The following THSD7B variants were observed in gnomAD, a reference collection of about 807,000 sequenced individuals.
THSD7B encodes the protein thrombospondin type 1 domain containing 7B.
Under a neutral mutation model 213.6 loss-of-function variants are expected in THSD7B, and 138 were observed. The ratio of observed to expected loss-of-function variants is 0.65; its 90% confidence interval spans 0.56 to 0.74. The LOEUF is 0.74. Among genes scored for constraint, THSD7B ranks in the 30% least tolerant of loss-of-function variants. The probability of loss-of-function intolerance (pLI) is 0.00; values close to 1 mark genes in which losing one functional copy is unlikely to be tolerated. For synonymous variants in THSD7B, 742 were observed against 687.0 expected, an observed-to-expected ratio of 1.08 and a Z score of -1.25; for missense variants, 1,931 against 1,991.5, an observed-to-expected ratio of 0.97 and a Z score of 0.58.
At chr2:136,933,261 C>T (rs369084640) in intron 2 of THSD7B, among the ~76,000 whole-genome samples, 1 of 151,904 alleles carries the variant, frequency 6.6e-6, no homozygotes, top group African/African-American at 2.4e-5. Flanking sequence ...ATTATGATTA[C>T]TATCTAGTGG....
intron 15 of THSD7B, chr2:137,512,283 AT>A (rs1419268022): frequency 1.3e-5 from 2 of 149,502 alleles, no homozygotes; most frequent in Non-Finnish European, 3.0e-5. Context: ...TCAAAGTACA[AT>A]TTTTTTCATT....
intron 1 of THSD7B, among the ~76,000 whole-genome samples, chr2:136,772,455 G>T (rs1202394108): frequency 6.6e-6 from 1 of 152,156 alleles, no homozygotes; most frequent in Non-Finnish European, 1.5e-5. Flanking sequence ...TTATAAAAGT[G>T]TTGGCTTCCT....
chr2:137,194,732 C>T (rs1558953818), intron 7 of THSD7B, among the ~76,000 whole-genome samples: 1 of 151,990 alleles, frequency 6.6e-6, no homozygotes, highest in Non-Finnish European at 1.5e-5. Flanking sequence ...AATTATTATA[C>T]ATGTACCTGA....
At chr2:137,329,805 A>C (rs1684454204) in intron 12 of THSD7B, among the ~76,000 whole-genome samples, 1 of 152,246 alleles carries the variant, frequency 6.6e-6, no homozygotes, top group Admixed American at 6.5e-5. Flanking sequence ...AATTTGCATA[A>C]GTAATGAGGA....
At chr2:136,947,138 C>G (rs144395047) in intron 2 of THSD7B, among the ~76,000 whole-genome samples, 24 of 152,284 alleles carry the variant, frequency 1.6e-4, no homozygotes, top group African/African-American at 5.3e-4. Context: ...TCGACAAAAT[C>G]TTAATGTGAT....
intron 1 of THSD7B, among the ~76,000 whole-genome samples, chr2:136,789,369 A>G (rs1264516318): frequency 6.6e-6 from 1 of 152,066 alleles, no homozygotes; most frequent in Non-Finnish European, 1.5e-5. Context: ...TAATAAATAT[A>G]CATGTTTTCA....
At chr2:137,332,370 A>T (rs1282447778) in intron 12 of THSD7B, among the ~76,000 whole-genome samples, 1 of 152,064 alleles carries the variant, frequency 6.6e-6, no homozygotes, top group South Asian at 2.1e-4. Context: ...GTTTTGGCCA[A>T]TTTCTCCCAT....
At chr2:137,662,242 C>CTTTTTTTTTT (rs57630973) in intron 25 of THSD7B, among the ~76,000 whole-genome samples, 7 of 92,414 alleles carry the variant, frequency 7.6e-5, no homozygotes, top group Non-Finnish European at 8.7e-5. Flanking sequence ...TTTTTTTTTT[C>CTTTTTTTTTT]TTTTTTTTTT....
intron 12 of THSD7B, among the ~76,000 whole-genome samples, chr2:137,311,113 G>A (rs1228513821): frequency 4.0e-5 from 6 of 150,994 alleles, no homozygotes; most frequent in Admixed American, 6.6e-5. Context: ...CCATTTTCAC[G>A]ATATTGATTC....
At chr2:137,438,564 G>A (rs1202181993) in intron 14 of THSD7B, among the ~76,000 whole-genome samples, 1 of 152,032 alleles carries the variant, frequency 6.6e-6, no homozygotes. Flanking sequence ...CAACAAAACT[G>A]TATTTACAAA....
rs531534235 is a variant in THSD7B, at chr2:137,441,014, T to C, written c.2960-9831T>C. Among the ~76,000 whole-genome samples, 7 of 152,238 alleles carry C rather than the reference T, an allele frequency of 4.6e-5. No homozygotes were observed. In the South Asian group the frequency reaches 1.5e-3, roughly 32 times the overall value. ...AGCTGCTATTTAAAGAGCAGATTCA[T>C]TGGTCATTTTGAAGGTAGTTGTTTC... On this transcript the variant is annotated intron_variant, in intron 14 of 27. Transcript: ENST00000409968.
intron 2 of THSD7B, among the ~76,000 whole-genome samples, chr2:136,949,370 C>T (rs1684995644): frequency 6.6e-6 from 1 of 152,162 alleles, no homozygotes; most frequent in South Asian, 2.1e-4. Context: ...GCCCTCTCAG[C>T]CTGGTTCCCT....
intron 3 of THSD7B, among the ~76,000 whole-genome samples, chr2:137,078,902 G>A (rs1014784181): frequency 6.6e-6 from 1 of 152,004 alleles, no homozygotes; most frequent in African/African-American, 2.4e-5. Flanking sequence ...CAGATAGAAA[G>A]GCCATATTTT....
At chr2:136,962,037 T>C (rs192314579) in intron 2 of THSD7B, among the ~76,000 whole-genome samples, 4 of 152,322 alleles carry the variant, frequency 2.6e-5, no homozygotes, top group Admixed American at 2.6e-4. Flanking sequence ...ATTTTCTGGA[T>C]GGACCCAGTG....
chr2:137,102,973 A>G (rs1688179508), intron 4 of THSD7B, among the ~76,000 whole-genome samples: 1 of 152,228 alleles, frequency 6.6e-6, no homozygotes, highest in Non-Finnish European at 1.5e-5. Context: ...TCAGGATATT[A>G]TCCAGAAGAA....
intron 15 of THSD7B, among the ~76,000 whole-genome samples, chr2:137,485,460 C>G (rs1459757249): frequency 6.6e-6 from 1 of 152,122 alleles, no homozygotes; most frequent in Non-Finnish European, 1.5e-5. Flanking sequence ...TATCATGATG[C>G]CTCCAGCTTT....
chr2:136,963,251 T>C (rs983136788), intron 2 of THSD7B, among the ~76,000 whole-genome samples: 36 of 152,068 alleles, frequency 2.4e-4, no homozygotes, highest in African/African-American at 2.4e-5. Flanking sequence ...TGAGAGTAAA[T>C]TAGTATGAAA....
At chr2:136,910,625 AG>A (rs1168728854) in intron 2 of THSD7B, among the ~76,000 whole-genome samples, 1 of 152,150 alleles carries the variant, frequency 6.6e-6, no homozygotes, top group Admixed American at 6.5e-5. Context: ...TAGTACGTGG[AG>A]AAGAATCAAA....
chr2:137,144,845 T>G (rs1679662985), intron 5 of THSD7B, among the ~76,000 whole-genome samples: 1 of 152,104 alleles, frequency 6.6e-6, no homozygotes. Context: ...TTTATTATTA[T>G]TTTTAACTAG....
Sources: gnomAD v4.1 joint callset for allele counts (sites outside exome capture counted in the v4.1 genomes callset) on GRCh38, gnomAD v4.1.1 for gene constraint, MANE v1.5 for transcripts, NCBI Gene and HGNC (gene_info 2026-07-23, HGNC 2026-07-21) for gene names.